Variants in ARHGEF4 observed in about 807,000 individuals in gnomAD.
The protein encoded by ARHGEF4 is Rho guanine nucleotide exchange factor 4.
In ARHGEF4, 119 loss-of-function variants were observed where a neutral mutation model predicts 162.0. That is an observed-to-expected ratio of 0.73 (90% CI 0.63 to 0.86). ARHGEF4 has a LOEUF of 0.86. Among genes scored for constraint, ARHGEF4 ranks in the 40% least tolerant of loss-of-function variants. ARHGEF4 has a pLI of 0.00. For missense variants in ARHGEF4, 2,488 were observed against 2,456.0 expected, an observed-to-expected ratio of 1.01 and a Z score of -0.28; for synonymous variants, 1,014 against 979.9, an observed-to-expected ratio of 1.03 and a Z score of -0.65.
intron 4 of ARHGEF4, among the ~76,000 whole-genome samples, chr2:131,016,507 G>A (rs1688784454): frequency 6.6e-6 from 1 of 152,264 alleles, no homozygotes; most frequent in East Asian, 1.9e-4. Flanking sequence ...CTCCAAGACT[G>A]TATGCCAGAC....
At position 130,915,574 on chromosome 2, in the gene ARHGEF4, G is replaced by C. The variant is rs1023738781; in HGVS notation, c.1628G>C (p.Cys543Ser). Reference protein sequence around the residue: ...TQVWSGDLMGCLEVSDSSDAP... With the variant: ...TQVWSGDLMGSLEVSDSSDAP... Reference sequence around the variant, plus strand: ...GTGTGGAGTGGAGACTTGATGGGCTGCTTGGAAGTGAGTGACAGTTCAGAT... The same window carrying C: ...GTGTGGAGTGGAGACTTGATGGGCTCCTTGGAAGTGAGTGACAGTTCAGAT... The change falls in exon 2 of 14, where the codon TGC becomes TCC. Residue 543 changes from cysteine to serine, a missense_variant. By Grantham distance (112) the Cys-to-Ser change is moderately radical. Around this residue, in one of 6 missense-constraint regions of ARHGEF4, gnomAD observed 1,642 missense variants for 1,481.5 expected, o/e 1.11. Coordinates refer to ENST00000409359, the MANE Select transcript of ARHGEF4 (RefSeq NM_001367493.1). The C allele has an allele frequency of 6.4e-7, 1 of 1,550,454 alleles. No homozygotes were observed. The highest frequency in any genetic ancestry group is 8.7e-7 in the Non-Finnish European group (1 of 1,147,006).
At chr2:130,933,812 T>C (rs1186150461) in intron 3 of ARHGEF4, among the ~76,000 whole-genome samples, 1 of 152,236 alleles carries the variant, frequency 6.6e-6, no homozygotes, top group Middle Eastern at 3.2e-3. Context: ...TTATTAGCTA[T>C]AATAATATTT....
In ARHGEF4 at chr2:130,903,050, G is replaced by A. The variant is rs1351633456; in HGVS notation, c.40-10936G>A. On this transcript the variant is annotated intron_variant, in intron 1 of 13. Coordinates refer to ENST00000409359, the MANE Select transcript of ARHGEF4 (RefSeq NM_001367493.1). ...ATTGCTTTAGAACTCATTCATCGAG[G>A]TTTTTTTATTTGTTATTATAGTTTG... Among the ~76,000 whole-genome samples the A allele has an allele frequency of 2.0e-5, 3 of 150,216 alleles. No individual in the cohort carries two copies. The East Asian group carries it at 5.8e-4, about 29-fold the overall frequency.
At chr2:130,992,106 C>A (rs1368804399) in intron 4 of ARHGEF4, among the ~76,000 whole-genome samples, 2 of 152,156 alleles carry the variant, frequency 1.3e-5, no homozygotes, top group African/African-American at 2.4e-5. Flanking sequence ...TGTGTCCATA[C>A]TCTGCATCTA....
chr2:130,993,589 G>C (rs376027275), intron 4 of ARHGEF4, among the ~76,000 whole-genome samples: 1 of 151,950 alleles, frequency 6.6e-6, no homozygotes, highest in Non-Finnish European at 1.5e-5. Context: ...GTATTTAGAG[G>C]CTATCTTAAT....
At position 130,913,985 on chromosome 2, in the gene ARHGEF4, G is replaced by C. The variant is rs1681347714; in HGVS notation, c.40-1G>C. Reference sequence around the variant, plus strand: ...TGACTCCTCTCTTCTTGCCCTCCCAGACTCCAGAGCCAGGTGCACACCTGC... The same window carrying C: ...TGACTCCTCTCTTCTTGCCCTCCCACACTCCAGAGCCAGGTGCACACCTGC... On this transcript the variant is annotated splice_acceptor_variant, in intron 1 of 13. Coordinates refer to ENST00000409359, the MANE Select transcript of ARHGEF4 (RefSeq NM_001367493.1). LOFTEE classifies it high-confidence loss of function. The C allele has an allele frequency of 6.5e-7, 1 of 1,536,052 alleles. No homozygotes were observed. Among genetic ancestry groups the C allele is most frequent in the South Asian group, 1.2e-5 (1 of 84,030 alleles).
chr2:130,896,347 G>C (rs1680156817), intron 1 of ARHGEF4, among the ~76,000 whole-genome samples: 2 of 152,186 alleles, frequency 1.3e-5, no homozygotes, highest in African/African-American at 4.8e-5. Flanking sequence ...AGGGTAGACA[G>C]GGAGAGCCTC....
chr2:130,963,620 G>C (rs1161944588), intron 4 of ARHGEF4: 10 of 147,540 alleles, frequency 6.8e-5, no homozygotes, highest in African/African-American at 2.2e-4. Flanking sequence ...GGAGCCCCGC[G>C]CCCGCGCCCG....
At chr2:130,966,677 G>A (rs1335990304) in intron 4 of ARHGEF4, among the ~76,000 whole-genome samples, 2 of 152,192 alleles carry the variant, frequency 1.3e-5, no homozygotes, top group South Asian at 2.1e-4. Context: ...ATGCCGGTCC[G>A]GTGGTGCGTT....
At chr2:131,029,474 G>A (rs965456285) in intron 5 of ARHGEF4, among the ~76,000 whole-genome samples, 8 of 151,854 alleles carry the variant, frequency 5.3e-5, no homozygotes, top group African/African-American at 7.3e-5. Flanking sequence ...GTGCCTCTTC[G>A]TAAGCTACTT....
intron 4 of ARHGEF4, among the ~76,000 whole-genome samples, chr2:130,968,244 C>T (rs981170583): frequency 1.4e-4 from 22 of 152,282 alleles, no homozygotes; most frequent in African/African-American, 5.3e-4. Flanking sequence ...GCCAGTTCTC[C>T]CTTTGGAATT....
chr2:131,014,888 C>A (rs1256908472), intron 4 of ARHGEF4, among the ~76,000 whole-genome samples: 1 of 152,070 alleles, frequency 6.6e-6, no homozygotes, highest in Non-Finnish European at 1.5e-5. Flanking sequence ...GTAGGCAGAA[C>A]GGCTAGAGAC....
intron 1 of ARHGEF4, among the ~76,000 whole-genome samples, chr2:130,905,804 A>T (rs1574201267): frequency 6.6e-6 from 1 of 152,326 alleles, no homozygotes; most frequent in East Asian, 1.9e-4. Context: ...TTATAAATTA[A>T]ACTTTATCAT....
rs914856648 is a variant in ARHGEF4 at position 130,917,322 on chromosome 2, G to T, written c.3376G>T (p.Val1126Leu). ...GGTTTCTCTTGGAAGCTACAGCTAC[G>T]TGGACAGCAGTTCAGGGGACCCTGA... is the stretch of plus-strand genomic sequence containing the variant. ...SMVSLGSYSYVDSSSGDPERP... is the reference protein window; with the variant it reads ...SMVSLGSYSYLDSSSGDPERP... Residue 1126 changes from valine (V) to leucine (L), a missense_variant, in exon 2 of 14, where the codon GTG becomes TTG. Val to Leu is a conservative substitution (Grantham distance 32, BLOSUM62 1). This residue lies in a region of ARHGEF4 where 1,642 missense variants were observed against 1,481.5 expected (regional missense o/e 1.11). Coordinates refer to ENST00000409359, the MANE Select transcript of ARHGEF4 (RefSeq NM_001367493.1). 1.3e-6 allele frequency: 2 copies of T among 1,550,488 alleles called. No homozygotes were observed. Among genetic ancestry groups the T allele is most frequent in the Non-Finnish European group, 1.7e-6 (2 of 1,147,010 alleles).
At chr2:130,926,816 T>C (rs1050680865) in intron 2 of ARHGEF4, among the ~76,000 whole-genome samples, 2 of 118,710 alleles carry the variant, frequency 1.7e-5, no homozygotes, top group South Asian at 3.1e-4. Flanking sequence ...GCTGATTTTT[T>C]TTTTTTTTTT....
chr2:130,870,049 G>A lies in ARHGEF4; in HGVS notation c.39+33057G>A, dbSNP rs187307871. On this transcript the variant is annotated intron_variant, in intron 1 of 13. Transcript: ENST00000409359. ...GGTACATCTGCTGAAGAGGCTCAGC[G>A]TTTTGGGGCAGTGTGAACGTCTCCC... 1.0e-3 allele frequency among the ~76,000 whole-genome samples: 158 copies of A among 152,322 alleles called. 3 individuals are homozygous for A. The highest frequency in any genetic ancestry group is 1.3e-3 in the Non-Finnish European group (88 of 68,024).
chr2:130,985,894 G>A (rs1283557686), intron 4 of ARHGEF4, among the ~76,000 whole-genome samples: 1 of 151,688 alleles, frequency 6.6e-6, no homozygotes, highest in African/African-American at 2.4e-5. Context: ...TATATGTTGT[G>A]TGCATTGTGA....
chr2:130,916,712 A>G lies in ARHGEF4; in HGVS notation c.2766A>G (p.Ser922=), dbSNP rs3739127. The G allele has an allele frequency of 0.64, 999,315 of 1,550,424 alleles. 332,918 individuals carry two copies. The highest frequency in any genetic ancestry group is 0.87 in the East Asian group (35,389 of 40,862). The change falls in exon 2 of 14, where the codon TCA becomes TCG. Residue 922 remains serine (S), a synonymous_variant. Coordinates refer to ENST00000409359, the MANE Select transcript of ARHGEF4 (RefSeq NM_001367493.1). ...AHKTFSNFIE[S]IVLEKENTHE... ...AGACCTTTTCAAACTTTATTGAGTCAATAGTTCTAGAGAAAGAGAACACCC... is the reference window on the plus strand; with the variant it reads ...AGACCTTTTCAAACTTTATTGAGTCGATAGTTCTAGAGAAAGAGAACACCC...
intron 4 of ARHGEF4, among the ~76,000 whole-genome samples, chr2:130,962,130 G>A (rs1241033343): frequency 6.6e-6 from 1 of 151,862 alleles, no homozygotes; most frequent in East Asian, 1.9e-4. Flanking sequence ...TCCCAGCTAC[G>A]TGGGAGGCTG....
Sources: allele counts gnomAD v4.1 joint callset (sites outside exome capture counted in the v4.1 genomes callset), GRCh38; gene constraint gnomAD v4.1.1; regional missense constraint gnomAD v4.1.1; transcripts MANE v1.5; gene names NCBI Gene and HGNC (gene_info 2026-07-23, HGNC 2026-07-21).